The following MEIKIN variants were observed in gnomAD, a reference collection of about 807,000 sequenced individuals.
MEIKIN encodes the protein meiosis-specific kinetochore protein.
intron 9 of MEIKIN, among the ~76,000 whole-genome samples, chr5:131,861,632 G>T (rs1407144790): frequency 6.6e-6 from 1 of 152,042 alleles, no homozygotes; most frequent in African/African-American, 2.4e-5. Flanking sequence ...TTCTTTCTAT[G>T]CCTAGTTTGC....
chr5:131,814,514 C>G (rs542569096), intron 12 of MEIKIN, among the ~76,000 whole-genome samples: 1 of 151,836 alleles, frequency 6.6e-6, no homozygotes, highest in Non-Finnish European at 1.5e-5. Context: ...TGGGCTCAAG[C>G]GATCCACTCG....
chr5:131,889,905 A>T (rs904525679), intron 8 of MEIKIN, among the ~76,000 whole-genome samples: 1 of 152,190 alleles, frequency 6.6e-6, no homozygotes, highest in Non-Finnish European at 1.5e-5. Context: ...TAATTTATTG[A>T]GAGTTTTTAG....
At chr5:131,835,840 G>A (rs562286423) in intron 11 of MEIKIN, among the ~76,000 whole-genome samples, 9 of 152,288 alleles carry the variant, frequency 5.9e-5, no homozygotes, top group African/African-American at 1.9e-4. Context: ...TGATCTGCCT[G>A]CCTCGGCCTC....
At chr5:131,845,175 C>T (rs773771914) in intron 11 of MEIKIN, among the ~76,000 whole-genome samples, 2 of 147,336 alleles carry the variant, frequency 1.4e-5, no homozygotes, top group African/African-American at 5.1e-5. Flanking sequence ...GACACTGAGG[C>T]AGGAGAATGG....
intron 12 of MEIKIN, among the ~76,000 whole-genome samples, chr5:131,810,834 T>C (rs1369009140): frequency 6.6e-6 from 1 of 152,238 alleles, no homozygotes; most frequent in Non-Finnish European, 1.5e-5. Flanking sequence ...GTGCCAGTTA[T>C]TAATGAACAA....
chr5:131,818,653 T>C (rs1773144898), intron 12 of MEIKIN, 87 bp downstream of exon 12: 1 of 384,272 alleles, frequency 2.6e-6, no homozygotes, highest in African/African-American at 2.1e-5. Flanking sequence ...AATTTATAAT[T>C]GAATTTCCTG....
chr5:131,888,869 T>G (rs979938078), intron 8 of MEIKIN, among the ~76,000 whole-genome samples: 28 of 152,352 alleles, frequency 1.8e-4, no homozygotes, highest in African/African-American at 6.5e-4. Context: ...CTTTAATCCA[T>G]CTTGAATTAA....
At chr5:131,814,066 G>T (rs1191809319) in intron 12 of MEIKIN, among the ~76,000 whole-genome samples, 1 of 151,786 alleles carries the variant, frequency 6.6e-6, no homozygotes, top group African/African-American at 2.4e-5. Context: ...TTTTATTCTG[G>T]CATGCTGGTA....
chr5:131,898,972 T>C (rs1383919980), intron 8 of MEIKIN, among the ~76,000 whole-genome samples: 1 of 152,156 alleles, frequency 6.6e-6, no homozygotes, highest in Non-Finnish European at 1.5e-5. Flanking sequence ...ACCAGGTACT[T>C]CAGTTGGAAA....
chr5:131,846,494 G>A (rs182881353), intron 11 of MEIKIN, among the ~76,000 whole-genome samples: 4 of 152,190 alleles, frequency 2.6e-5, no homozygotes, highest in East Asian at 1.9e-4. Context: ...TGTAACATTG[G>A]TTTGTAACTC....
intron 8 of MEIKIN, among the ~76,000 whole-genome samples, chr5:131,880,214 C>T (rs1050200148): frequency 6.6e-6 from 1 of 151,972 alleles, no homozygotes; most frequent in African/African-American, 2.4e-5. Context: ...CTCAGCCACC[C>T]GAGTAGCTGG....
At chr5:131,825,211 C>A (rs190993869) in intron 11 of MEIKIN, among the ~76,000 whole-genome samples, 20 of 152,046 alleles carry the variant, frequency 1.3e-4, no homozygotes, top group South Asian at 4.2e-4. Flanking sequence ...AAATAATAAT[C>A]ATCATCATCC....
intron 8 of MEIKIN, among the ~76,000 whole-genome samples, chr5:131,907,192 TA>T (rs1751256024): frequency 6.6e-6 from 1 of 152,002 alleles, no homozygotes; most frequent in Non-Finnish European, 1.5e-5. Flanking sequence ...GTGAAAGCAG[TA>T]CTAACAGGGA....
rs556093795 is a variant in MEIKIN at position 131,879,056 on chromosome 5, T to C, written c.704-8A>G. 3 of 398,500 alleles carry C rather than the reference T, an allele frequency of 7.5e-6. No homozygotes were observed. The highest frequency in any genetic ancestry group is 2.1e-5 in the African/African-American group (1 of 48,696). The allele number at this position is 398,500 out of a possible 1,614,324, so 24.7% of individuals were successfully genotyped here. On this transcript the variant is annotated splice_region_variant and splice_polypyrimidine_tract_variant and intron_variant, in intron 8 of 12. Coordinates refer to ENST00000442687, the MANE Select transcript of MEIKIN (RefSeq NM_001303622.2). ...TCTCACAAGCTGCATTATCTATAAA[T>C]AAAAACATAGTTCAGTATTCTACTT...
Position 131,927,563 on chromosome 5 carries a change from C to A in MEIKIN, c.479-5622G>T, listed in dbSNP as rs545286871. Reference sequence around the variant, plus strand: ...TATCCATTGTTAAAAGTGGGTTATACTGAATTATCCCACAATTATTGTATT... The same window carrying A: ...TATCCATTGTTAAAAGTGGGTTATAATGAATTATCCCACAATTATTGTATT... On this transcript the variant is annotated intron_variant, in intron 5 of 12. Transcript: ENST00000442687. Among the ~76,000 whole-genome samples, 3 of 152,272 alleles carry A rather than the reference C, an allele frequency of 2.0e-5. No individual in the cohort carries two copies. The South Asian group carries it at 6.2e-4, about 32-fold the overall frequency.
chr5:131,945,407 G>T lies in MEIKIN; in HGVS notation c.99C>A (p.Ala33=). The T allele has an allele frequency of 2.5e-6, 1 of 399,208 alleles. No homozygotes were observed. The highest frequency in any genetic ancestry group is 3.6e-5 in the East Asian group (1 of 28,056). 24.7% of individuals were successfully genotyped at this position (399,208 alleles called of 1,614,324 possible). Residue 33 remains alanine, a synonymous_variant, in exon 1 of 13, where the codon GCC becomes GCA. Transcript: ENST00000442687. ...CGAGCCTTGAGCCTGTACCTGGCGGGGCCTCGGCCTTCGCTGGAGAGCCTA... is the reference window on the plus strand; with the variant it reads ...CGAGCCTTGAGCCTGTACCTGGCGGTGCCTCGGCCTTCGCTGGAGAGCCTA... ...PDLGSPAKAE[A]PPGSKRKGKV...
chr5:131,867,790 G>A (rs972269554), intron 9 of MEIKIN, among the ~76,000 whole-genome samples: 55 of 152,066 alleles, frequency 3.6e-4, no homozygotes, highest in Admixed American at 3.3e-3. Flanking sequence ...GAACATTTTC[G>A]TTGCTTCCAA....
chr5:131,853,007 A>G (rs1750140220), intron 10 of MEIKIN, among the ~76,000 whole-genome samples: 1 of 152,166 alleles, frequency 6.6e-6, no homozygotes, highest in Admixed American at 6.5e-5. Flanking sequence ...AAAGACTGTG[A>G]GCAGAGGATT....
At chr5:131,825,227 T>A (rs995838090) in intron 11 of MEIKIN, among the ~76,000 whole-genome samples, 2 of 152,040 alleles carry the variant, frequency 1.3e-5, no homozygotes, top group Non-Finnish European at 2.9e-5. Flanking sequence ...CATCCACTTA[T>A]GTACACATTC....
Sources: allele counts gnomAD v4.1 joint callset (sites outside exome capture counted in the v4.1 genomes callset), GRCh38; gene constraint gnomAD v4.1.1; transcripts MANE v1.5; gene names NCBI Gene and HGNC (gene_info 2026-07-23, HGNC 2026-07-21).